TULP4: variants seen among roughly 807,000 people sequenced by gnomAD.
The protein encoded by TULP4 is TUB like protein 4.
A neutral mutation model predicts 129.0 loss-of-function variants in TULP4; 16 were observed. The observed-to-expected ratio is 0.12, with a 90% CI of 0.08 to 0.19. The LOEUF is 0.19. Ranked by LOEUF, TULP4 falls within the 10% of genes least tolerant of loss-of-function variation. The pLI, the probability that TULP4 is intolerant of heterozygous loss-of-function variation, is 1.00. For synonymous variants in TULP4, 998 were observed against 854.0 expected (o/e 1.17, Z -2.94); for missense variants, 1,842 against 2,059.1 (o/e 0.89, Z 2.04).
At chr6:158,487,513 A>G (rs932362609) in intron 8 of TULP4, among the ~76,000 whole-genome samples, 4 of 152,228 alleles carry the variant, frequency 2.6e-5, no homozygotes, top group Admixed American at 1.3e-4. Flanking sequence ...CAGAATTGAG[A>G]TGTAAAGCCC....
intron 1 of TULP4, among the ~76,000 whole-genome samples, chr6:158,337,877 G>A (rs1360537322): frequency 2.6e-5 from 4 of 151,760 alleles, no homozygotes; most frequent in East Asian, 1.9e-4. Context: ...GAGGAATATC[G>A]AATCTTGGAA....
chr6:158,242,180 C>T, intron 1 of TULP4: 1 of 1,240,788 alleles, frequency 8.1e-7, no homozygotes, highest in Non-Finnish European at 1.2e-6. Flanking sequence ...TCCTCAGTCT[C>T]ATCAGTGTCT....
At chr6:158,437,313 G>T (rs1778773632) in intron 3 of TULP4, among the ~76,000 whole-genome samples, 1 of 152,130 alleles carries the variant, frequency 6.6e-6, no homozygotes, top group South Asian at 2.1e-4. Flanking sequence ...TGTAATCTTA[G>T]CACTTTGGGA....
At chr6:158,348,705 G>A (rs1337634591) in intron 1 of TULP4, among the ~76,000 whole-genome samples, 1 of 151,836 alleles carries the variant, frequency 6.6e-6, no homozygotes, top group East Asian at 1.9e-4. Context: ...GAGCTGTTGG[G>A]TACACCTCCC....
chr6:158,479,507 C>T (rs1333212777), intron 6 of TULP4, among the ~76,000 whole-genome samples: 4 of 152,122 alleles, frequency 2.6e-5, no homozygotes, highest in African/African-American at 9.7e-5. Context: ...ATGCAATCTT[C>T]CCACCTTGGC....
intron 1 of TULP4, among the ~76,000 whole-genome samples, chr6:158,314,569 G>C (rs1196432704): frequency 6.6e-6 from 1 of 152,190 alleles, no homozygotes; most frequent in African/African-American, 2.4e-5. Flanking sequence ...AGGCCAGGGC[G>C]CTTTCTAACC....
intron 5 of TULP4, among the ~76,000 whole-genome samples, chr6:158,459,871 C>T (rs1475300830): frequency 6.6e-6 from 1 of 152,166 alleles, no homozygotes; most frequent in Non-Finnish European, 1.5e-5. Flanking sequence ...TCTCAGTTTC[C>T]TGATCACAAG....
chr6:158,293,160 G>A (rs763257348), intron 1 of TULP4, among the ~76,000 whole-genome samples: 5 of 152,114 alleles, frequency 3.3e-5, no homozygotes, highest in East Asian at 1.9e-4. Flanking sequence ...TCTCAGAATC[G>A]GCTATTGAAA....
chr6:158,314,371 C>G, intron 1 of TULP4, 103 bp downstream of exon 1: 2 of 1,345,526 alleles, frequency 1.5e-6, no homozygotes, highest in Non-Finnish European at 1.0e-6. Context: ...GACTTGCTGC[C>G]TAGTGAGACT....
In TULP4 at chr6:158,478,574, T is replaced by C. The variant is rs553114819; in HGVS notation, c.1027-1177T>C. Among the ~76,000 whole-genome samples the C allele has an allele frequency of 8.5e-4, 129 of 152,320 alleles. 1 individual carries two copies. The highest frequency in any genetic ancestry group is 2.5e-3 in the African/African-American group (106 of 41,586). On this transcript the variant is annotated intron_variant, in intron 6 of 13. Coordinates refer to ENST00000367097, the MANE Select transcript of TULP4 (RefSeq NM_020245.5). The stretch of plus-strand genomic sequence containing the variant: ...GTCCTGGAAGTGTCCCAGAAGCCCC[T>C]AGACTTGAGTTTTCCAGACTCCTTG...
At chr6:158,384,289 C>CTTTTTTTTTTTTTT (rs10634916) in intron 1 of TULP4, among the ~76,000 whole-genome samples, 1 of 144,472 alleles carries the variant, frequency 6.9e-6, no homozygotes. Flanking sequence ...GCCTGTTTAG[C>CTTTTTTTTTTTTTT]TTTTTTTTTT....
intron 1 of TULP4, among the ~76,000 whole-genome samples, chr6:158,328,595 C>G (rs1779801961): frequency 6.6e-6 from 1 of 152,030 alleles, no homozygotes; most frequent in Non-Finnish European, 1.5e-5. Flanking sequence ...GAGGAGTGCC[C>G]TCATGGTTGC....
At chr6:158,236,567 T>C (rs1777704627) in intron 1 of TULP4, among the ~76,000 whole-genome samples, 1 of 151,984 alleles carries the variant, frequency 6.6e-6, no homozygotes, top group Non-Finnish European at 1.5e-5. Flanking sequence ...GCAGATATTT[T>C]GGAATGCTCA....
At chr6:158,332,227 A>G (rs1174720158) in intron 1 of TULP4, among the ~76,000 whole-genome samples, 1 of 142,504 alleles carries the variant, frequency 7.0e-6, no homozygotes, top group Admixed American at 7.0e-5. Flanking sequence ...ATATATATAT[A>G]TAAATTGAAA....
At chr6:158,273,899 T>C (rs1213720503) in intron 1 of TULP4, among the ~76,000 whole-genome samples, 1 of 152,218 alleles carries the variant, frequency 6.6e-6, no homozygotes, top group African/African-American at 2.4e-5. Flanking sequence ...TTATTATCTC[T>C]AATTGATAGG....
At chr6:158,348,864 C>A (rs1169941368) in intron 1 of TULP4, among the ~76,000 whole-genome samples, 3 of 138,272 alleles carry the variant, frequency 2.2e-5, no homozygotes, top group African/African-American at 8.2e-5. Context: ...TCCTCACTTC[C>A]CAGATGGGGC....
intron 1 of TULP4, among the ~76,000 whole-genome samples, chr6:158,232,797 G>C (rs62437124): frequency 0.35 from 53,738 of 151,794 alleles, 9,942 homozygotes; most frequent in East Asian, 0.53. Context: ...CTCCCCTGCC[G>C]GACCAGTCTC....
At chr6:158,233,679 G>A (rs1422623814) in intron 1 of TULP4, among the ~76,000 whole-genome samples, 3 of 152,212 alleles carry the variant, frequency 2.0e-5, no homozygotes, top group Non-Finnish European at 4.4e-5. Flanking sequence ...TGCAGTGATA[G>A]CCATATTCTG....
intron 1 of TULP4, among the ~76,000 whole-genome samples, chr6:158,344,264 G>A (rs1450355988): frequency 6.6e-6 from 1 of 152,138 alleles, no homozygotes; most frequent in East Asian, 1.9e-4. Context: ...TTCGGACTCA[G>A]CCCACCTGCA....
Sources: gnomAD v4.1 joint callset for allele counts (sites outside exome capture counted in the v4.1 genomes callset) on GRCh38, gnomAD v4.1.1 for gene constraint, MANE v1.5 for transcripts, NCBI Gene and HGNC (gene_info 2026-07-23, HGNC 2026-07-21) for gene names.